PLCL1: variants seen among roughly 807,000 people sequenced by gnomAD.
The protein encoded by PLCL1 is inactive phospholipase C-like protein 1.
A neutral mutation model predicts 84.4 loss-of-function variants in PLCL1; 41 were observed. The observed-to-expected ratio is 0.49, with a 90% CI of 0.38 to 0.63. The LOEUF (loss-of-function observed/expected upper bound fraction) is 0.63, where lower values mean the gene tolerates loss of function less well. Among genes scored for constraint, PLCL1 ranks in the 30% least tolerant of loss-of-function variants. PLCL1 has a pLI of 0.00. For missense variants in PLCL1, 1,206 were observed against 1,367.8 expected, an observed-to-expected ratio of 0.88 and a Z score of 1.87; for synonymous variants, 490 against 488.3, an observed-to-expected ratio of 1.00 and a Z score of -0.05.
intron 1 of PLCL1, among the ~76,000 whole-genome samples, chr2:197,919,242 A>G (rs934333700): frequency 3.3e-5 from 5 of 152,210 alleles, no homozygotes; most frequent in African/African-American, 1.2e-4. Flanking sequence ...ATGTCTATAG[A>G]CAAGAATTGT....
intron 1 of PLCL1, among the ~76,000 whole-genome samples, chr2:197,960,524 A>G (rs535741161): frequency 1.3e-5 from 2 of 152,190 alleles, no homozygotes; most frequent in East Asian, 1.9e-4. Context: ...TGACAAAGGA[A>G]CAAAATGGTG....
chr2:198,027,993 T>C (rs1308449005), intron 1 of PLCL1, among the ~76,000 whole-genome samples: 1 of 151,976 alleles, frequency 6.6e-6, no homozygotes, highest in Non-Finnish European at 1.5e-5. Flanking sequence ...ACTACCATGC[T>C]TGGTTAATTT....
chr2:197,821,806 T>C (rs1690823123), intron 1 of PLCL1, among the ~76,000 whole-genome samples: 1 of 152,144 alleles, frequency 6.6e-6, no homozygotes, highest in Non-Finnish European at 1.5e-5. Flanking sequence ...GAGATTCTAT[T>C]GGTAAAATGA....
At chr2:197,999,519 T>C (rs939847851) in intron 1 of PLCL1, among the ~76,000 whole-genome samples, 3 of 152,244 alleles carry the variant, frequency 2.0e-5, no homozygotes, top group African/African-American at 7.2e-5. Flanking sequence ...TTTAGTGATA[T>C]TCATACCTGT....
At chr2:197,970,788 T>C (rs1035919715) in intron 1 of PLCL1, among the ~76,000 whole-genome samples, 1 of 152,242 alleles carries the variant, frequency 6.6e-6, no homozygotes, top group Non-Finnish European at 1.5e-5. Context: ...ATATGAGATA[T>C]GCAACATTAA....
At chr2:197,848,688 C>T (rs982530231) in intron 1 of PLCL1, among the ~76,000 whole-genome samples, 11 of 152,242 alleles carry the variant, frequency 7.2e-5, no homozygotes, top group Middle Eastern at 3.4e-3. Context: ...CTAGAACAAA[C>T]GGCTTTAAAA....
intron 1 of PLCL1, among the ~76,000 whole-genome samples, chr2:197,891,109 AGGATGTGCTAGGTGTT>A (rs1453124811): frequency 6.6e-6 from 1 of 151,928 alleles, no homozygotes. Flanking sequence ...TACTCTGTCA[AGGATGTGCTAGGTGTT>A]GGAGATACAG....
At chr2:197,932,494 A>T (rs991475631) in intron 1 of PLCL1, among the ~76,000 whole-genome samples, 1 of 151,864 alleles carries the variant, frequency 6.6e-6, no homozygotes, top group Non-Finnish European at 1.5e-5. Flanking sequence ...TGCATTGACT[A>T]TTTCTCCAGA....
intron 4 of PLCL1, 23 bp downstream of exon 4, chr2:198,101,383 TC>T: frequency 7.4e-7 from 1 of 1,359,192 alleles, no homozygotes; most frequent in Non-Finnish European, 1.0e-6. Flanking sequence ...AATTTTTTTT[TC>T]TGTTTTTTTT....
chr2:197,954,578 G>A (rs1689450255), intron 1 of PLCL1, among the ~76,000 whole-genome samples: 1 of 152,044 alleles, frequency 6.6e-6, no homozygotes, highest in South Asian at 2.1e-4. Flanking sequence ...TAATACGATG[G>A]CATCATGTAA....
intron 1 of PLCL1, among the ~76,000 whole-genome samples, chr2:198,068,506 T>C (rs547905243): frequency 6.6e-6 from 1 of 152,310 alleles, no homozygotes; most frequent in South Asian, 2.1e-4. Context: ...TCAGATAATA[T>C]TAGTAGATGT....
intron 5 of PLCL1, among the ~76,000 whole-genome samples, chr2:198,130,099 A>G (rs929633814): frequency 6.6e-6 from 1 of 152,016 alleles, no homozygotes; most frequent in South Asian, 2.1e-4. Flanking sequence ...GGCTCAAGCA[A>G]TCCTCCTGCT....
At chr2:197,961,143 T>C (rs1014677728) in intron 1 of PLCL1, among the ~76,000 whole-genome samples, 1 of 151,890 alleles carries the variant, frequency 6.6e-6, no homozygotes, top group Non-Finnish European at 1.5e-5. Flanking sequence ...CCCTTTCCCA[T>C]AGTGTGTATT....
intron 1 of PLCL1, among the ~76,000 whole-genome samples, chr2:197,925,703 A>G (rs1039932832): frequency 1.3e-5 from 2 of 151,970 alleles, no homozygotes; most frequent in Non-Finnish European, 2.9e-5. Context: ...TTGTACTTAA[A>G]CTACAACTTT....
chr2:197,937,816 A>T (rs1689080334), intron 1 of PLCL1, among the ~76,000 whole-genome samples: 1 of 152,224 alleles, frequency 6.6e-6, no homozygotes, highest in South Asian at 2.1e-4. Context: ...ATTAGTGCCA[A>T]AGAGAAGGCT....
chr2:198,026,597 G>A (rs777011953), intron 1 of PLCL1, among the ~76,000 whole-genome samples: 1 of 152,122 alleles, frequency 6.6e-6, no homozygotes, highest in East Asian at 1.9e-4. Context: ...AGTATGGAAA[G>A]GGTTTAGTAA....
chr2:197,992,462 G>T (rs4595967), intron 1 of PLCL1, among the ~76,000 whole-genome samples: 2 of 151,592 alleles, frequency 1.3e-5, no homozygotes, highest in East Asian at 1.9e-4. Flanking sequence ...ACAGGGTTTT[G>T]CCATGTTGCC....
intron 1 of PLCL1, among the ~76,000 whole-genome samples, chr2:197,993,717 TG>T (rs1559067719): frequency 6.6e-6 from 1 of 152,146 alleles, no homozygotes; most frequent in South Asian, 2.1e-4. Context: ...GGGAGAAAAC[TG>T]GGGGGATAAA....
chr2:198,130,475 G>A lies in PLCL1; in HGVS notation c.3106-16305G>A, dbSNP rs554556411. ...TCAAGTGTGTATTTTTGGCCCAGGT[G>A]TCACTCTCTTTATCTCTTGATGATC... On this transcript the variant is annotated intron_variant, in intron 5 of 5. Coordinates refer to ENST00000428675, the MANE Select transcript of PLCL1 (RefSeq NM_006226.4). Among the ~76,000 whole-genome samples, 3 of 152,160 alleles carry A rather than the reference G, an allele frequency of 2.0e-5. No individual in the cohort carries two copies. The East Asian group carries it at 5.8e-4, about 30-fold the overall frequency.
Sources: allele counts gnomAD v4.1 joint callset (sites outside exome capture counted in the v4.1 genomes callset), GRCh38; gene constraint gnomAD v4.1.1; transcripts MANE v1.5; gene names NCBI Gene and HGNC (gene_info 2026-07-23, HGNC 2026-07-21).